The following PALM2AKAP2 variants were observed in gnomAD, a reference collection of about 807,000 sequenced individuals.
PALM2AKAP2 encodes PALM2 and AKAP2 fusion.
PALM2AKAP2 carries 37 observed loss-of-function variants against 71.5 expected under a neutral mutation model. The observed-to-expected ratio is 0.52, with a 90% confidence interval of 0.40 to 0.68. PALM2AKAP2 has a LOEUF of 0.68. Ranked by LOEUF, PALM2AKAP2 falls within the 30% of genes least tolerant of loss-of-function variation. The pLI is 0.00. For missense variants in PALM2AKAP2, 1,224 were observed against 1,191.8 expected, an observed-to-expected ratio of 1.03 and a Z score of -0.40; for synonymous variants, 468 against 478.8, an observed-to-expected ratio of 0.98 and a Z score of 0.29.
intron 1 of PALM2AKAP2, among the ~76,000 whole-genome samples, chr9:109,656,625 GT>G (rs1490814045): frequency 2.6e-5 from 4 of 152,152 alleles, no homozygotes; most frequent in African/African-American, 4.8e-5. Context: ...CTGATATGTA[GT>G]TTAACAAGAT....
intron 1 of PALM2AKAP2, among the ~76,000 whole-genome samples, chr9:109,711,623 C>T (rs766548314): frequency 1.3e-5 from 2 of 152,210 alleles, no homozygotes; most frequent in Non-Finnish European, 2.9e-5. Flanking sequence ...GCACAGGCAC[C>T]TGACATAACA....
At chr9:110,002,998 A>AT (rs1445345663) in intron 6 of PALM2AKAP2, among the ~76,000 whole-genome samples, 6 of 152,080 alleles carry the variant, frequency 3.9e-5, no homozygotes, top group Non-Finnish European at 8.8e-5. Context: ...GGATTCATTG[A>AT]TTTTTTGAAG....
At chr9:110,100,051 C>CTCTATATATA (rs143442936) in intron 1 of PALM2AKAP2, among the ~76,000 whole-genome samples, 22 of 109,464 alleles carry the variant, frequency 2.0e-4, no homozygotes, top group African/African-American at 5.5e-4. Flanking sequence ...GTATGTGTGT[C>CTCTATATATA]TATATATATA....
intron 1 of PALM2AKAP2, among the ~76,000 whole-genome samples, chr9:109,724,714 A>G (rs951705480): frequency 2.0e-5 from 3 of 152,210 alleles, no homozygotes; most frequent in Non-Finnish European, 2.9e-5. Flanking sequence ...CCCATTTTAT[A>G]TATGACAAAG....
At chr9:109,817,919 T>C (rs534620345) in intron 1 of PALM2AKAP2, among the ~76,000 whole-genome samples, 1 of 152,336 alleles carries the variant, frequency 6.6e-6, no homozygotes, top group South Asian at 2.1e-4. Context: ...GTGAGCCTTT[T>C]TGTGATATGC....
At chr9:110,078,374 T>C (rs1052070020) in intron 1 of PALM2AKAP2, among the ~76,000 whole-genome samples, 1 of 152,250 alleles carries the variant, frequency 6.6e-6, no homozygotes, top group Non-Finnish European at 1.5e-5. Context: ...GTTTGCTGAA[T>C]ACAGGAAAGC....
intron 1 of PALM2AKAP2, among the ~76,000 whole-genome samples, chr9:109,721,603 T>G (rs1029016469): frequency 3.3e-5 from 5 of 152,236 alleles, no homozygotes; most frequent in African/African-American, 1.2e-4. Context: ...ATTAGCCAAC[T>G]TCATCTCTAG....
At chr9:110,042,121 T>C (rs933251510) in intron 7 of PALM2AKAP2, among the ~76,000 whole-genome samples, 3 of 152,024 alleles carry the variant, frequency 2.0e-5, no homozygotes, top group African/African-American at 7.2e-5. Context: ...ATTCCGAAAG[T>C]TGATGGTTAA....
intron 1 of PALM2AKAP2, among the ~76,000 whole-genome samples, chr9:109,857,642 A>T (rs969836883): frequency 1.1e-4 from 17 of 152,218 alleles, no homozygotes; most frequent in African/African-American, 4.1e-4. Context: ...GTAGCTCTGA[A>T]CATGTCTCTT....
intron 6 of PALM2AKAP2, among the ~76,000 whole-genome samples, chr9:109,971,029 C>G (rs1832055123): frequency 6.6e-6 from 1 of 152,032 alleles, no homozygotes; most frequent in South Asian, 2.1e-4. Flanking sequence ...GAGGATTGCT[C>G]AAGCCCAGGA....
At chr9:109,665,953 G>C (rs891165459) in intron 1 of PALM2AKAP2, among the ~76,000 whole-genome samples, 1 of 152,228 alleles carries the variant, frequency 6.6e-6, no homozygotes, top group Non-Finnish European at 1.5e-5. Flanking sequence ...AGACTGCTGC[G>C]CTAGCAGTGA....
At chr9:109,754,779 G>A (rs867347648) in intron 1 of PALM2AKAP2, among the ~76,000 whole-genome samples, 1 of 152,062 alleles carries the variant, frequency 6.6e-6, no homozygotes, top group Non-Finnish European at 1.5e-5. Flanking sequence ...ATCTCATCAT[G>A]AGGGCTCCAC....
chr9:110,129,905 A>T (rs529610766), intron 1 of PALM2AKAP2, among the ~76,000 whole-genome samples: 1 of 152,304 alleles, frequency 6.6e-6, no homozygotes, highest in East Asian at 1.9e-4. Flanking sequence ...GTTGCAGCAC[A>T]ACTGTATCTT....
At chr9:110,088,138 G>T (rs1042589865) in intron 1 of PALM2AKAP2, among the ~76,000 whole-genome samples, 17 of 152,006 alleles carry the variant, frequency 1.1e-4, no homozygotes, top group Admixed American at 9.8e-4. Flanking sequence ...ACACCACAAG[G>T]TGTGCCTTCA....
intron 7 of PALM2AKAP2, among the ~76,000 whole-genome samples, chr9:110,032,365 C>A (rs1337620251): frequency 1.3e-5 from 2 of 151,550 alleles, no homozygotes; most frequent in Non-Finnish European, 2.9e-5. Flanking sequence ...TTGAGACCAG[C>A]CTGGGCAACT....
chr9:110,154,303 G>A (rs559489434), intron 2 of PALM2AKAP2, among the ~76,000 whole-genome samples: 35 of 152,286 alleles, frequency 2.3e-4, no homozygotes, highest in African/African-American at 8.4e-4. Flanking sequence ...AAAGTGATTT[G>A]GCTGCCAAGT....
At chr9:109,889,107 C>G (rs1217902745) in intron 3 of PALM2AKAP2, among the ~76,000 whole-genome samples, 1 of 152,186 alleles carries the variant, frequency 6.6e-6, no homozygotes, top group Non-Finnish European at 1.5e-5. Flanking sequence ...ATTAGTGATT[C>G]TCAGTGCAAA....
At chr9:109,817,702 T>C (rs1827887630) in intron 1 of PALM2AKAP2, among the ~76,000 whole-genome samples, 1 of 152,228 alleles carries the variant, frequency 6.6e-6, no homozygotes, top group South Asian at 2.1e-4. Context: ...AGTTTCATTC[T>C]GTTTTATGAC....
chr9:109,783,969 G>A (rs1465901193), intron 1 of PALM2AKAP2, among the ~76,000 whole-genome samples: 2 of 152,162 alleles, frequency 1.3e-5, no homozygotes, highest in African/African-American at 4.8e-5. Context: ...TCTTCCATTT[G>A]GATCCAGGAA....
Sources: gnomAD v4.1 joint callset for allele counts (sites outside exome capture counted in the v4.1 genomes callset) on GRCh38, gnomAD v4.1.1 for gene constraint, MANE v1.5 for transcripts, NCBI Gene and HGNC (gene_info 2026-07-23, HGNC 2026-07-21) for gene names.